Variants in ALG9 observed in about 807,000 individuals in gnomAD.
ALG9 encodes the protein ALG9 alpha-1,2-mannosyltransferase, also known as alpha-1,2-mannosyltransferase ALG9.
A neutral mutation model predicts 81.8 loss-of-function variants in ALG9; 55 were observed. The ratio of observed to expected loss-of-function variants is 0.67; its 90% CI spans 0.54 to 0.84. The LOEUF is 0.84. Ranked by LOEUF, ALG9 falls within the 40% of genes least tolerant of loss-of-function variation. The pLI is 0.00. For synonymous variants in ALG9, 278 were observed against 274.3 expected, an observed-to-expected ratio of 1.01 and a Z score of -0.13; for missense variants, 629 against 745.0, an observed-to-expected ratio of 0.84 and a Z score of 1.81.
At position 111,785,553 on chromosome 11, in the gene ALG9, A is replaced by G. The variant is rs1946379002; in HGVS notation, c.*844T>C. 1 of 154,248 alleles carries G rather than the reference A, an allele frequency of 6.5e-6. No homozygotes were observed. Among genetic ancestry groups the G allele is most frequent in the East Asian group, 1.9e-4 (1 of 5,238 alleles). The allele number at this position is 154,248 out of a possible 1,614,324, so 9.6% of individuals were successfully genotyped here. A position where few individuals can be genotyped will look rare whatever the true frequency, so the allele number is the denominator to read the frequency against. On this transcript the variant is annotated 3_prime_UTR_variant, in exon 15 of 15. Coordinates refer to ENST00000616540, the MANE Select transcript of ALG9 (RefSeq NM_024740.2). ...GCAATGGCCTCAGATTACATTACTT[A>G]AAAATGTGATGTCATCCAAATGTAT... is the stretch of plus-strand genomic sequence containing the variant.
In ALG9 at chr11:111,823,437, T is replaced by G. The variant is rs183851112; in HGVS notation, c.1602+12728A>C. 1.7e-3 allele frequency among the ~76,000 whole-genome samples: 253 copies of G among 152,368 alleles called. 1 individual carries two copies. The highest frequency in any genetic ancestry group is 2.6e-3 in the Non-Finnish European group (174 of 68,032). ...CAGGATTTGCTTTTACACTGCCAAG[T>G]CTTGAGCAATTAGAAAGTCTATGTC... On this transcript the variant is annotated intron_variant, in intron 13 of 14. Transcript: ENST00000616540.
intron 14 of ALG9, among the ~76,000 whole-genome samples, chr11:111,801,709 T>C (rs1329760738): frequency 2.0e-5 from 3 of 152,206 alleles, no homozygotes; most frequent in South Asian, 4.1e-4. Flanking sequence ...CTTCAGCTCT[T>C]TACCCAAATG....
chr11:111,862,433 C>T (rs985625422), intron 4 of ALG9, among the ~76,000 whole-genome samples: 4 of 151,754 alleles, frequency 2.6e-5, no homozygotes, highest in African/African-American at 9.7e-5. Context: ...GAGGTTTCGC[C>T]ATGTTGGCCA....
intron 14 of ALG9, among the ~76,000 whole-genome samples, chr11:111,786,868 A>C (rs781952430): frequency 6.6e-6 from 1 of 152,206 alleles, no homozygotes; most frequent in Non-Finnish European, 1.5e-5. Context: ...TGGTTTCTGC[A>C]TCTAAGAAAC....
chr11:111,847,188 G>T (rs1401947702), intron 8 of ALG9, among the ~76,000 whole-genome samples: 14 of 151,512 alleles, frequency 9.2e-5, no homozygotes, highest in African/African-American at 3.4e-4. Context: ...AAGTTCAAGA[G>T]AAATGATTAA....
At position 111,784,663 on chromosome 11, in the gene ALG9, A is replaced by G. The variant is rs1301091728; in HGVS notation, c.*1734T>C. On this transcript the variant is annotated 3_prime_UTR_variant, in exon 15 of 15. Coordinates refer to ENST00000616540, the MANE Select transcript of ALG9 (RefSeq NM_024740.2). Reference sequence around the variant, plus strand: ...AACCTGGGAGGCAGAGGTTGCAGCGAGCCGAGATCGCGCCACTGCACTCCA... The same window carrying G: ...AACCTGGGAGGCAGAGGTTGCAGCGGGCCGAGATCGCGCCACTGCACTCCA... 6.6e-6 allele frequency: 1 copy of G among 152,196 alleles called. No homozygotes were observed. Among genetic ancestry groups the G allele is most frequent in the African/African-American group, 2.4e-5 (1 of 41,442 alleles). The allele number at this position is 152,196 out of a possible 1,614,324, so 9.4% of individuals were successfully genotyped here. A position where few individuals can be genotyped will look rare whatever the true frequency, so the allele number is the denominator to read the frequency against.
chr11:111,790,754 A>C (rs1443454063), intron 14 of ALG9, among the ~76,000 whole-genome samples: 1 of 152,256 alleles, frequency 6.6e-6, no homozygotes, highest in Non-Finnish European at 1.5e-5. Context: ...AATCAGGGAA[A>C]TGCAAGACTA....
rs368900847 is a variant in ALG9, at chr11:111,783,948, CAAAACAGAT to C, written c.*2440_*2448del. On this transcript the variant is annotated 3_prime_UTR_variant, in exon 15 of 15. Transcript: ENST00000616540. ...TTAAAAAAAAAAAAAAACAAGATGACAAAACAGATAAAACAGCATTATACTACTTTGATT... is the reference window on the plus strand; with the variant it reads ...TTAAAAAAAAAAAAAAACAAGATGACAAAACAGCATTATACTACTTTGATT... The C allele has an allele frequency of 1.2e-5, 1 of 82,288 alleles. No homozygotes were observed. The highest frequency in any genetic ancestry group is 2.8e-5 in the Non-Finnish European group (1 of 35,334). 5.1% of individuals were successfully genotyped at this position (82,288 alleles called of 1,614,324 possible).
intron 14 of ALG9, among the ~76,000 whole-genome samples, chr11:111,797,069 T>C (rs1948402646): frequency 6.6e-6 from 1 of 152,214 alleles, no homozygotes; most frequent in African/African-American, 2.4e-5. Context: ...TCAAAGTTTA[T>C]CCAATTTGGA....
At chr11:111,865,665 C>G (rs1202229968) in intron 3 of ALG9, among the ~76,000 whole-genome samples, 1 of 152,166 alleles carries the variant, frequency 6.6e-6, no homozygotes, top group Non-Finnish European at 1.5e-5. Flanking sequence ...CTTCAACAAC[C>G]ATAATATATC....
intron 14 of ALG9, among the ~76,000 whole-genome samples, chr11:111,807,652 A>G (rs1341207848): frequency 6.6e-6 from 1 of 152,184 alleles, no homozygotes; most frequent in African/African-American, 2.4e-5. Flanking sequence ...TATATGTCCA[A>G]ATCACCTAGA....
intron 3 of ALG9, among the ~76,000 whole-genome samples, chr11:111,867,919 TCGA>T (rs1366188149): frequency 6.6e-6 from 1 of 152,152 alleles, no homozygotes; most frequent in Non-Finnish European, 1.5e-5. Flanking sequence ...GAGGTAGAAC[TCGA>T]GGTTCCCTAC....
intron 4 of ALG9, among the ~76,000 whole-genome samples, chr11:111,860,974 C>T (rs1316103370): frequency 3.3e-5 from 5 of 152,152 alleles, no homozygotes; most frequent in Non-Finnish European, 4.4e-5. Flanking sequence ...GCAGTGGAAC[C>T]CTACTCTGGT....
At position 111,870,313 on chromosome 11, in the gene ALG9, C is replaced by G. The variant is rs1555157175; in HGVS notation, c.189G>C (p.Lys63Asn). 1.3e-6 allele frequency: 2 copies of G among 1,595,346 alleles called. No individual in the cohort carries two copies. The highest frequency in any genetic ancestry group is 2.3e-5 in the East Asian group (1 of 43,768). Residue 63 changes from lysine (K) to asparagine (N), a missense_variant, in exon 2 of 15, where the codon AAG (lysine) becomes AAC (asparagine). Coordinates refer to ENST00000616540, the MANE Select transcript of ALG9 (RefSeq NM_024740.2). ...CACATAACCTTGCTGAAAGCAGACA[C>G]TTGAAAGCAGTAGATCCTTCAGGTG... ...VWAPEGSTAF[K>N]CLLSARLCAA...
chr11:111,786,745 A>G (rs1436564368), intron 14 of ALG9, among the ~76,000 whole-genome samples: 1 of 152,234 alleles, frequency 6.6e-6, no homozygotes, highest in Non-Finnish European at 1.5e-5. Flanking sequence ...AATAAGCCAC[A>G]GTATATCCTT....
downstream of ALG9, among the ~76,000 whole-genome samples, chr11:111,781,254 T>C (rs916335268): frequency 1.3e-5 from 2 of 152,012 alleles, no homozygotes; most frequent in East Asian, 1.9e-4. Flanking sequence ...CTGCTAGAAG[T>C]TATAGGGTAT....
At position 111,868,465 on chromosome 11, in the gene ALG9, T is replaced by C. The variant is rs557154783; in HGVS notation, c.405+137A>G. ...AGTTGTTTCATTAATGCTTGTTGAA[T>C]GGTGAATTGGATAAATGATTCTTCT... is the stretch of plus-strand genomic sequence containing the variant. On this transcript the variant is annotated intron_variant, in intron 3 of 14. Coordinates refer to ENST00000616540, the MANE Select transcript of ALG9 (RefSeq NM_024740.2). 1.8e-4 allele frequency: 201 copies of C among 1,096,352 alleles called. 1 individual carries two copies. Among genetic ancestry groups the C allele is most frequent in the African/African-American group, 1.7e-3 (106 of 63,534 alleles). 67.9% of individuals were successfully genotyped at this position (1,096,352 alleles called of 1,614,324 possible). A position where few individuals can be genotyped will look rare whatever the true frequency, so the allele number is the denominator to read the frequency against.
chr11:111,817,283 A>G (rs1555098414), intron 13 of ALG9: 1 of 152,282 alleles, frequency 6.6e-6, no homozygotes, highest in Admixed American at 6.5e-5. Context: ...ATGAGGCAAG[A>G]AAGTGTTGGA....
chr11:111,831,207 A>AT (rs1272158869), intron 13 of ALG9, among the ~76,000 whole-genome samples: 2 of 152,044 alleles, frequency 1.3e-5, no homozygotes, highest in African/African-American at 4.8e-5. Context: ...TGCCTGGCTA[A>AT]TTTTTGTATT....
Sources: allele counts gnomAD v4.1 joint callset (sites outside exome capture counted in the v4.1 genomes callset), GRCh38; gene constraint gnomAD v4.1.1; transcripts MANE v1.5; gene names NCBI Gene and HGNC (gene_info 2026-07-23, HGNC 2026-07-21).